DPYSL2: variants seen among roughly 807,000 people sequenced by gnomAD.
DPYSL2 encodes the protein dihydropyrimidinase like 2.
In DPYSL2, 13 loss-of-function variants were observed where a neutral mutation model predicts 69.9. The observed-to-expected ratio is 0.19, with a 90% confidence interval of 0.12 to 0.30. The LOEUF (loss-of-function observed/expected upper bound fraction) is 0.30. DPYSL2 is among the 10% of genes least tolerant of loss of function. DPYSL2 has a pLI of 1.00. For synonymous variants in DPYSL2, 326 were observed against 359.1 expected (o/e 0.91, Z 1.04); for missense variants, 587 against 918.9 (o/e 0.64, Z 4.67).
chr8:26,585,837 C>T lies in DPYSL2; in HGVS notation c.628+1854C>T, dbSNP rs1801588634. 6.6e-6 allele frequency among the ~76,000 whole-genome samples: 1 copy of T among 152,190 alleles called. No homozygotes were observed. The highest frequency in any genetic ancestry group is 1.5e-5 in the Non-Finnish European group (1 of 68,038). Reference sequence around the variant, plus strand: ...TAAAAACAATATTTCTCTGGCTGGGCACCATGGTTCATGCCTGTAATTCCA... The same window carrying T: ...TAAAAACAATATTTCTCTGGCTGGGTACCATGGTTCATGCCTGTAATTCCA... On this transcript the variant is annotated intron_variant, in intron 3 of 13. Transcript: ENST00000521913. The surrounding 1 kb of genome is among the most constrained non-coding windows in gnomAD (Gnocchi z 4.0).
chr8:26,544,373 T>A (rs1800731702), intron 1 of DPYSL2, among the ~76,000 whole-genome samples: 1 of 152,212 alleles, frequency 6.6e-6, no homozygotes, highest in Non-Finnish European at 1.5e-5. Flanking sequence ...AGTGGTGTGA[T>A]CATTCAATTT....
chr8:26,530,114 A>C (rs1311765293), intron 1 of DPYSL2, among the ~76,000 whole-genome samples: 3 of 6,128 alleles, frequency 4.9e-4, no homozygotes, highest in East Asian at 0.01. Context: ...CTCCGTCTCC[A>C]AAAAAAAAAA....
At position 26,647,672 on chromosome 8, in the gene DPYSL2, A is replaced by G. The variant is rs749433807; in HGVS notation, c.1468A>G (p.Ser490Gly). Residue 490 changes from serine (S) to glycine (G), a missense_variant, in exon 11 of 14, where the codon AGC becomes GGC. Ser to Gly is a moderately conservative substitution (Grantham distance 56). Coordinates refer to ENST00000521913, the MANE Select transcript of DPYSL2 (RefSeq NM_001197293.3). This position sits in a 1 kb window ranked among gnomAD's most constrained non-coding sequence, Gnocchi z 5.1. Reference sequence around the variant, plus strand: ...TGAGAACCAGTTTGTGGCTGTGACCAGCACCAATGCAGCCAAAGTCTTCAA... The same window carrying G: ...TGAGAACCAGTTTGTGGCTGTGACCGGCACCAATGCAGCCAAAGTCTTCAA... Reference protein sequence around the residue: ...MDENQFVAVTSTNAAKVFNLY... With the variant: ...MDENQFVAVTGTNAAKVFNLY... 2.5e-6 allele frequency: 4 copies of G among 1,614,002 alleles called. No individual in the cohort carries two copies. Among genetic ancestry groups the G allele is most frequent in the East Asian group, 2.2e-5 (1 of 44,890 alleles).
At chr8:26,636,338 G>C (rs773634651) in intron 8 of DPYSL2, among the ~76,000 whole-genome samples, 1 of 152,226 alleles carries the variant, frequency 6.6e-6, no homozygotes, top group Non-Finnish European at 1.5e-5. Flanking sequence ...GCCGGCCACA[G>C]CACTGCTGCC....
chr8:26,577,385 A>C (rs1267325525), intron 1 of DPYSL2: 1 of 160,814 alleles, frequency 6.2e-6, no homozygotes, highest in African/African-American at 2.4e-5. Context: ...CAGCGCCAGC[A>C]ACGGCGGGGG....
At chr8:26,645,496 AAT>A (rs1168516223) in intron 10 of DPYSL2, among the ~76,000 whole-genome samples, 2 of 152,204 alleles carry the variant, frequency 1.3e-5, no homozygotes, top group Non-Finnish European at 2.9e-5. Context: ...CACCTGCTTA[AAT>A]ATACTTGAAA....
chr8:26,534,472 T>C (rs1051749852), intron 1 of DPYSL2, among the ~76,000 whole-genome samples: 3 of 151,898 alleles, frequency 2.0e-5, no homozygotes, highest in Non-Finnish European at 4.4e-5. Context: ...CATTTACTTC[T>C]TACAGGATTT....
chr8:26,655,525 C>T, intron 13 of DPYSL2, 90 bp from the exon 14 acceptor site: 1 of 1,185,660 alleles, frequency 8.4e-7, no homozygotes, highest in Non-Finnish European at 1.2e-6. Context: ...TAGCACTTTT[C>T]CTCCTGAGCT....
intron 3 of DPYSL2, among the ~76,000 whole-genome samples, chr8:26,599,609 G>A (rs905539279): frequency 7.6e-6 from 1 of 131,062 alleles, no homozygotes; most frequent in African/African-American, 2.9e-5. Flanking sequence ...TCTTTCTCTC[G>A]CTCTCTCTCT....
rs753822230 is a variant in DPYSL2 at position 26,524,801 on chromosome 8, CAAAAAAAAAAAAAAAAAAAAAAAA to C, written c.354+10134_354+10157del. On this transcript the variant is annotated intron_variant, in intron 1 of 13. Coordinates refer to ENST00000521913, the MANE Select transcript of DPYSL2 (RefSeq NM_001197293.3). ...TGAAGGACAGAGAGAGACTCTGTCT[CAAAAAAAAAAAAAAAAAAAAAAAA>C]AAAAAAAAAAAGAGAGAGAATTACT... 1.2e-4 allele frequency among the ~76,000 whole-genome samples: 5 copies of C among 41,110 alleles called. No individual in the cohort carries two copies. In the South Asian group the frequency reaches 9.5e-3, roughly 78 times the overall value. The allele number at this position is 41,110 out of a possible 152,430, so 27.0% of individuals were successfully genotyped here. A position where few individuals can be genotyped will look rare whatever the true frequency, so the allele number is the denominator to read the frequency against.
At chr8:26,606,997 C>G (rs1802121181) in intron 3 of DPYSL2, among the ~76,000 whole-genome samples, 1 of 152,028 alleles carries the variant, frequency 6.6e-6, no homozygotes. Context: ...CTAACAAGAG[C>G]TGTAAAAATG....
chr8:26,514,286 G>A lies in DPYSL2; in HGVS notation c.-40G>A. ...AGGGAGACTTAGGGACTGGCAGACG[G>A]ACGGACGGACGGCGAGGACCCTACC... On this transcript the variant is annotated 5_prime_UTR_variant, in exon 1 of 14. Coordinates refer to ENST00000521913, the MANE Select transcript of DPYSL2 (RefSeq NM_001197293.3). The surrounding 1 kb of genome is among the most constrained non-coding windows in gnomAD (Gnocchi z 8.4). 7.1e-7 allele frequency: 1 copy of A among 1,414,680 alleles called. No individual in the cohort carries two copies. The highest frequency in any genetic ancestry group is 9.2e-7 in the Non-Finnish European group (1 of 1,085,844). The allele number at this position is 1,414,680 out of a possible 1,614,324, so 87.6% of individuals were successfully genotyped here.
rs188537632 is a variant in DPYSL2 at position 26,658,115 on chromosome 8, C to T, written c.*2409C>T. On this transcript the variant is annotated 3_prime_UTR_variant, in exon 14 of 14. Transcript: ENST00000521913. This position sits in a 1 kb window ranked among gnomAD's most constrained non-coding sequence, Gnocchi z 4.7. ...AAAACAAGTCTCGTGTTTATTATTC[C>T]TTAAGAACTCTGTGTTATATTACCA... 2.0e-5 allele frequency: 3 copies of T among 152,462 alleles called. No individual in the cohort carries two copies. The highest frequency in any genetic ancestry group is 4.4e-5 in the Non-Finnish European group (3 of 67,976). The allele number at this position is 152,462 out of a possible 1,614,324, so 9.4% of individuals were successfully genotyped here. A position where few individuals can be genotyped will look rare whatever the true frequency, so the allele number is the denominator to read the frequency against.
intron 2 of DPYSL2, 40 bp from the exon 3 acceptor site, chr8:26,583,759 A>G (rs415524): frequency 0.46 from 725,823 of 1,562,756 alleles, 173,530 homozygotes; most frequent in African/African-American, 0.7. Context: ...TTGAGTCCAC[A>G]TTTCATTTAC....
intron 1 of DPYSL2, among the ~76,000 whole-genome samples, chr8:26,557,623 C>CAAAAAAAAAAAAAAAAAAA (rs56215906): frequency 5.4e-5 from 4 of 74,306 alleles, no homozygotes; most frequent in African/African-American, 1.1e-4. Context: ...ACTAAAAATA[C>CAAAAAAAAAAAAAAAAAAA]AAAAAAAAAA....
rs1803289182 is a variant in DPYSL2 at position 26,652,071 on chromosome 8, T to C, written c.1597-186T>C. Among the ~76,000 whole-genome samples the C allele has an allele frequency of 6.6e-6, 1 of 152,192 alleles. No homozygotes were observed. Among genetic ancestry groups the C allele is most frequent in the South Asian group, 2.1e-4 (1 of 4,824 alleles). On this transcript the variant is annotated intron_variant, in intron 11 of 13. Transcript: ENST00000521913. This position sits in a 1 kb window ranked among gnomAD's most constrained non-coding sequence, Gnocchi z 6.3. ...TAATGTGGAGAGGTAGAAAAAGTTA[T>C]TTCATATTCTAGACAGGGAAATGGA...
rs1041158733 is a variant in DPYSL2, at chr8:26,653,154, T to C, written c.1777-78T>C. On this transcript the variant is annotated intron_variant, in intron 12 of 13. Coordinates refer to ENST00000521913, the MANE Select transcript of DPYSL2 (RefSeq NM_001197293.3). The surrounding 1 kb of genome is among the most constrained non-coding windows in gnomAD (Gnocchi z 5.7). ...TCCATCCCTAGATCTCACAGGCCCA[T>C]CCTCCCTCCAGGAGGGTTTCTAGAG... is the stretch of plus-strand genomic sequence containing the variant. 124 of 1,510,128 alleles carry C rather than the reference T, an allele frequency of 8.2e-5. No individual in the cohort carries two copies. Among genetic ancestry groups the C allele is most frequent in the Non-Finnish European group, 6.8e-5 (76 of 1,114,236 alleles). The allele number at this position is 1,510,128 out of a possible 1,614,324, so 93.5% of individuals were successfully genotyped here. A position where few individuals can be genotyped will look rare whatever the true frequency, so the allele number is the denominator to read the frequency against.
rs1393431894 is a variant in DPYSL2, at chr8:26,582,405, C to A, written c.443+348C>A. On this transcript the variant is annotated intron_variant, in intron 2 of 13. Transcript: ENST00000521913. The surrounding 1 kb of genome is among the most constrained non-coding windows in gnomAD (Gnocchi z 4.1). ...GAATGTCATTGTTTGGGTTGGATTGCCCAAAGGACGCAAACGTGAAAGACA... is the reference window on the plus strand; with the variant it reads ...GAATGTCATTGTTTGGGTTGGATTGACCAAAGGACGCAAACGTGAAAGACA... Among the ~76,000 whole-genome samples, 1 of 152,150 alleles carries A rather than the reference C, an allele frequency of 6.6e-6. No individual in the cohort carries two copies.
intron 1 of DPYSL2, among the ~76,000 whole-genome samples, chr8:26,549,614 A>G (rs901166381): frequency 3.3e-5 from 5 of 152,196 alleles, no homozygotes; most frequent in Non-Finnish European, 7.3e-5. Flanking sequence ...ATCCCTGGGC[A>G]TATCACATTC....
Sources: allele counts gnomAD v4.1 joint callset (sites outside exome capture counted in the v4.1 genomes callset), GRCh38; gene constraint gnomAD v4.1.1; non-coding constraint Gnocchi (gnomAD v3.1); transcripts MANE v1.5; gene names NCBI Gene and HGNC (gene_info 2026-07-23, HGNC 2026-07-21).